The following AUTS2 variants were observed in gnomAD, a reference collection of about 807,000 sequenced individuals.
AUTS2 encodes the protein autism susceptibility gene 2 protein.
In AUTS2, 17 loss-of-function variants were observed where a neutral mutation model predicts 112.4. The ratio of observed to expected loss-of-function variants is 0.15; its 90% CI spans 0.10 to 0.23. AUTS2 has a LOEUF of 0.23. Ranked by LOEUF, AUTS2 falls within the 10% of genes least tolerant of loss-of-function variation. AUTS2 has a pLI of 1.00. For synonymous variants in AUTS2, 751 were observed against 702.7 expected (o/e 1.07, Z -1.09); for missense variants, 1,510 against 1,701.6 (o/e 0.89, Z 1.98).
chr7:69,702,675 G>A (rs775997697), intron 1 of AUTS2, among the ~76,000 whole-genome samples: 5 of 151,730 alleles, frequency 3.3e-5, no homozygotes, highest in Non-Finnish European at 4.4e-5. Flanking sequence ...GCACCACCTG[G>A]GATCTTGTTA....
At chr7:70,542,186 A>G (rs933180694) in intron 5 of AUTS2, among the ~76,000 whole-genome samples, 2 of 152,056 alleles carry the variant, frequency 1.3e-5, no homozygotes, top group African/African-American at 4.8e-5. Context: ...AAAAAAAAAG[A>G]CTTGTTCTTA....
chr7:70,612,780 C>A (rs2129534162), intron 5 of AUTS2, among the ~76,000 whole-genome samples: 1 of 150,880 alleles, frequency 6.6e-6, no homozygotes, highest in Middle Eastern at 3.4e-3. Flanking sequence ...GGATTTATTT[C>A]TTCTTTTCTA....
At chr7:70,468,458 T>C (rs1797251614) in intron 5 of AUTS2, among the ~76,000 whole-genome samples, 1 of 152,134 alleles carries the variant, frequency 6.6e-6, no homozygotes, top group Non-Finnish European at 1.5e-5. Flanking sequence ...AGAGATTGCC[T>C]TGAAGATTTA....
intron 13 of AUTS2, among the ~76,000 whole-genome samples, chr7:70,776,106 A>T (rs777360722): frequency 6.6e-6 from 1 of 152,196 alleles, no homozygotes. Context: ...ATTTCAAACT[A>T]CCCATAATTT....
intron 1 of AUTS2, among the ~76,000 whole-genome samples, chr7:69,701,046 C>A (rs1407547277): frequency 6.6e-6 from 1 of 152,156 alleles, no homozygotes; most frequent in Admixed American, 6.5e-5. Context: ...ATTCAGATTC[C>A]TGCTTTGCCA....
intron 12 of AUTS2, chr7:70,774,331 T>C: frequency 1.9e-6 from 1 of 538,072 alleles, no homozygotes; most frequent in Non-Finnish European, 3.3e-6. Flanking sequence ...AAAAGAGGAA[T>C]GAGTTACGGT....
chr7:69,804,317 G>A (rs975031151), intron 1 of AUTS2, among the ~76,000 whole-genome samples: 2 of 152,150 alleles, frequency 1.3e-5, no homozygotes, highest in African/African-American at 4.8e-5. Context: ...CAGTAGTGTT[G>A]CAGGTATCCC....
At chr7:70,118,267 A>G (rs755075963) in intron 3 of AUTS2, 34 bp downstream of exon 3, 769 of 1,467,804 alleles carry the variant, frequency 5.2e-4, no homozygotes, top group Non-Finnish European at 6.8e-4. Flanking sequence ...AAAAAAAAAA[A>G]TTAACGAAAA....
At chr7:70,066,605 G>C (rs1584666320) in intron 2 of AUTS2, among the ~76,000 whole-genome samples, 2 of 147,652 alleles carry the variant, frequency 1.4e-5, no homozygotes, top group Non-Finnish European at 1.5e-5. Flanking sequence ...CAATGGCGCT[G>C]TGTCGGCTCA....
At position 70,396,487 on chromosome 7, in the gene AUTS2, CT is replaced by C. The variant is rs1794091617; in HGVS notation, c.661-39264del. ...TACCTCCCGGGTTCAAGCCATCCCC[CT>C]GCCTCAGTCTTCAGAGTAGCTGGGA... is the stretch of plus-strand genomic sequence containing the variant. On this transcript the variant is annotated intron_variant, in intron 4 of 18. Coordinates refer to ENST00000342771, the MANE Select transcript of AUTS2 (RefSeq NM_015570.4). 3.3e-5 allele frequency among the ~76,000 whole-genome samples: 5 copies of C among 152,238 alleles called. No individual in the cohort carries two copies. The South Asian group carries it at 1.0e-3, about 32-fold the overall frequency.
intron 4 of AUTS2, among the ~76,000 whole-genome samples, chr7:70,155,523 T>C (rs986663469): frequency 6.6e-6 from 1 of 151,902 alleles, no homozygotes; most frequent in African/African-American, 2.4e-5. Flanking sequence ...CTGGCACTCT[T>C]GTGCCAGTAA....
intron 2 of AUTS2, among the ~76,000 whole-genome samples, chr7:69,961,332 A>C (rs1045116964): frequency 5.3e-5 from 8 of 152,228 alleles, no homozygotes; most frequent in South Asian, 4.1e-4. Flanking sequence ...GTCTAAGGGG[A>C]AAGTGCTTCC....
chr7:69,629,909 A>G lies in AUTS2; in HGVS notation c.309+29947A>G, dbSNP rs146607216. Reference sequence around the variant, plus strand: ...ATTTTTAAAATTTCAGTTTTGTGGGACAGAGGAAATTGAGGCACTGAATCA... The same window carrying G: ...ATTTTTAAAATTTCAGTTTTGTGGGGCAGAGGAAATTGAGGCACTGAATCA... On this transcript the variant is annotated intron_variant, in intron 1 of 18. Transcript: ENST00000342771. 2.2e-3 allele frequency among the ~76,000 whole-genome samples: 338 copies of G among 152,180 alleles called. 2 individuals are homozygous for G. The highest frequency in any genetic ancestry group is 7.8e-3 in the African/African-American group (324 of 41,518).
intron 2 of AUTS2, among the ~76,000 whole-genome samples, chr7:69,950,741 G>C (rs144842039): frequency 5.3e-5 from 8 of 152,140 alleles, no homozygotes; most frequent in African/African-American, 1.9e-4. Context: ...TTCTAGGAGT[G>C]TGAATAAAGA....
chr7:70,764,074 C>T (rs1418841794), intron 7 of AUTS2, among the ~76,000 whole-genome samples: 5 of 152,160 alleles, frequency 3.3e-5, no homozygotes, highest in East Asian at 1.9e-4. Context: ...AATTCTAACC[C>T]GGCACAGCTC....
At chr7:69,933,484 T>C (rs1796298235) in intron 2 of AUTS2, among the ~76,000 whole-genome samples, 1 of 152,332 alleles carries the variant, frequency 6.6e-6, no homozygotes, top group South Asian at 2.1e-4. Context: ...TTCGGCTCCC[T>C]GTGAGTTGTT....
At chr7:70,765,312 C>A (rs376694315) in intron 8 of AUTS2, among the ~76,000 whole-genome samples, 1 of 152,132 alleles carries the variant, frequency 6.6e-6, no homozygotes, top group Non-Finnish European at 1.5e-5. Context: ...TGTCCCGTGT[C>A]GTCTGGGCTC....
chr7:70,474,931 G>A (rs1477629846), intron 5 of AUTS2, among the ~76,000 whole-genome samples: 1 of 152,166 alleles, frequency 6.6e-6, no homozygotes, highest in African/African-American at 2.4e-5. Flanking sequence ...CTGGGGGCCT[G>A]TCTCCATCTC....
At chr7:70,657,995 AC>A (rs1806864418) in intron 5 of AUTS2, among the ~76,000 whole-genome samples, 1 of 152,164 alleles carries the variant, frequency 6.6e-6, no homozygotes, top group Admixed American at 6.5e-5. Context: ...TATTTGAGGC[AC>A]CATACTCTAT....
Sources: gnomAD v4.1 joint callset for allele counts (sites outside exome capture counted in the v4.1 genomes callset) on GRCh38, gnomAD v4.1.1 for gene constraint, MANE v1.5 for transcripts, NCBI Gene and HGNC (gene_info 2026-07-23, HGNC 2026-07-21) for gene names.